KIF26B: variants seen among roughly 807,000 people sequenced by gnomAD.
KIF26B encodes the protein kinesin family member 26B.
KIF26B carries 63 observed loss-of-function variants against 151.2 expected under a neutral mutation model. The ratio of observed to expected loss-of-function variants is 0.42; its 90% CI spans 0.34 to 0.51. The LOEUF (loss-of-function observed/expected upper bound fraction) is 0.51. Ranked by LOEUF, KIF26B falls within the 20% of genes least tolerant of loss-of-function variation. The pLI is 0.07. For synonymous variants in KIF26B, 1,357 were observed against 1,262.1 expected (o/e 1.08, Z -1.59); for missense variants, 2,813 against 2,913.6 (o/e 0.97, Z 0.79).
chr1:245,406,455 A>G (rs1412771171), intron 3 of KIF26B, among the ~76,000 whole-genome samples: 2 of 152,196 alleles, frequency 1.3e-5, no homozygotes, highest in Non-Finnish European at 2.9e-5. Flanking sequence ...TTTCCCAAGC[A>G]TTAGCCAAGA....
chr1:245,318,313 A>G lies in KIF26B; in HGVS notation c.466-48521A>G, dbSNP rs1036987785. The stretch of plus-strand genomic sequence containing the variant: ...AGGCAATACAAGGAATGACTGGCAA[A>G]TACAGGTGTGAATTCCACTTACCCT... On this transcript the variant is annotated intron_variant, in intron 2 of 14. Coordinates refer to ENST00000407071, the MANE Select transcript of KIF26B (RefSeq NM_018012.4). This position sits in a 1 kb window ranked among gnomAD's most constrained non-coding sequence, Gnocchi z 4.0. Among the ~76,000 whole-genome samples, 2 of 152,172 alleles carry G rather than the reference A, an allele frequency of 1.3e-5. No individual in the cohort carries two copies. Among genetic ancestry groups the G allele is most frequent in the Non-Finnish European group, 2.9e-5 (2 of 68,036 alleles).
chr1:245,463,905 A>G (rs1317746863), intron 4 of KIF26B, among the ~76,000 whole-genome samples: 1 of 152,214 alleles, frequency 6.6e-6, no homozygotes, highest in Non-Finnish European at 1.5e-5. Context: ...TTTTTCACCT[A>G]AGGCTTCCCC....
chr1:245,453,500 G>T (rs558826836), intron 4 of KIF26B, among the ~76,000 whole-genome samples: 1 of 152,154 alleles, frequency 6.6e-6, no homozygotes, highest in African/African-American at 2.4e-5. Context: ...CCTTACTATA[G>T]TCCCAGCCCT....
chr1:245,222,360 C>T (rs1573717371), intron 2 of KIF26B, among the ~76,000 whole-genome samples: 1 of 152,108 alleles, frequency 6.6e-6, no homozygotes, highest in Non-Finnish European at 1.5e-5. Context: ...TCGCTTAAAC[C>T]CGGGAGGCGG....
chr1:245,421,458 T>C (rs1658485695), intron 4 of KIF26B, among the ~76,000 whole-genome samples: 1 of 152,132 alleles, frequency 6.6e-6, no homozygotes, highest in South Asian at 2.1e-4. Flanking sequence ...AATGAAGAAC[T>C]TGCAATTCCG....
At position 245,579,658 on chromosome 1, in the gene KIF26B, A is replaced by AAAACAAAC. The variant is rs60952626; in HGVS notation, c.1351-22890_1351-22883dup. 4.2e-4 allele frequency among the ~76,000 whole-genome samples: 63 copies of AAAACAAAC among 148,628 alleles called. 1 individual carries two copies. The highest frequency in any genetic ancestry group is 2.4e-3 in the South Asian group (11 of 4,638). On this transcript the variant is annotated intron_variant, in intron 5 of 14. Transcript: ENST00000407071. ...AACCCCATCTCTACTAAAAATACAAAAAACAAACAAACAAACAAACAAACA... is the reference window on the plus strand; with the variant it reads ...AACCCCATCTCTACTAAAAATACAAAAAACAAACAAACAAACAAACAAACAAACAAACA...
At chr1:245,270,278 CTTCTTT>C (rs1670833497) in intron 2 of KIF26B, among the ~76,000 whole-genome samples, 1 of 60,408 alleles carries the variant, frequency 1.7e-5, no homozygotes. Flanking sequence ...CCTTCCTTTC[CTTCTTT>C]CCTTCCCTTC....
Position 245,709,240 on chromosome 1 carries a change from A to C in KIF26B, c.*6634A>C, listed in dbSNP as rs961421513. 6.6e-6 allele frequency: 1 copy of C among 152,236 alleles called. No individual in the cohort carries two copies. The highest frequency in any genetic ancestry group is 2.4e-5 in the African/African-American group (1 of 41,454). The allele number at this position is 152,236 out of a possible 1,614,324, so 9.4% of individuals were successfully genotyped here. ...TCCCTGGAGAACAGTCCAGAAAAAA[A>C]GAGTTATAGTTCTCACAAACTGGTG... On this transcript the variant is annotated 3_prime_UTR_variant, in exon 15 of 15. Transcript: ENST00000407071.
chr1:245,661,875 C>T (rs2044145308), intron 10 of KIF26B, among the ~76,000 whole-genome samples: 1 of 149,190 alleles, frequency 6.7e-6, no homozygotes, highest in East Asian at 2.0e-4. Context: ...TACATACACA[C>T]ATACCCCCAT....
rs1385430612 is a variant in KIF26B at position 245,688,486 on chromosome 1, G to C, written c.5503G>C (p.Ala1835Pro). The change falls in exon 12 of 15, where the codon GCC (alanine) becomes CCC (proline). Residue 1835 changes from alanine to proline, a missense_variant. Coordinates refer to ENST00000407071, the MANE Select transcript of KIF26B (RefSeq NM_018012.4). ...GCCCGAGGCGGAGGCGCGCGGGGGG[G>C]CCCTGGCCGAGGACGAGCCCGCGGC... ...AGPEAEARGG[A>P]LAEDEPAAAH... 3.5e-6 allele frequency: 5 copies of C among 1,432,922 alleles called. No homozygotes were observed. Among genetic ancestry groups the C allele is most frequent in the South Asian group, 1.5e-5 (1 of 67,456 alleles). 88.8% of individuals were successfully genotyped at this position (1,432,922 alleles called of 1,614,324 possible).
At chr1:245,298,560 G>T (rs1415432152) in intron 2 of KIF26B, among the ~76,000 whole-genome samples, 1 of 152,170 alleles carries the variant, frequency 6.6e-6, no homozygotes, top group Non-Finnish European at 1.5e-5. Context: ...CATGGCGATT[G>T]GTGATGGTTG....
chr1:245,685,354 G>T, intron 11 of KIF26B, 51 bp from the exon 12 acceptor site: 1 of 1,456,508 alleles, frequency 6.9e-7, no homozygotes, highest in South Asian at 1.3e-5. Context: ...CTGGGCTCCC[G>T]GGGAAACTGC....
In KIF26B at chr1:245,192,570, C is replaced by A. The variant is rs143208839; in HGVS notation, c.465+35887C>A. Among the ~76,000 whole-genome samples the A allele has an allele frequency of 9.6e-3, 1,465 of 152,278 alleles. 24 individuals are homozygous for A. Among genetic ancestry groups the A allele is most frequent in the African/African-American group, 0.033 (1,365 of 41,544 alleles). ...AAGTTACATAGTTTTCAAACTCTGTCTCCTGCTAAATGATCATCTATACTG... is the reference window on the plus strand; with the variant it reads ...AAGTTACATAGTTTTCAAACTCTGTATCCTGCTAAATGATCATCTATACTG... On this transcript the variant is annotated intron_variant, in intron 2 of 14. Coordinates refer to ENST00000407071, the MANE Select transcript of KIF26B (RefSeq NM_018012.4).
In KIF26B at chr1:245,284,724, A is replaced by G. The variant is rs115775788; in HGVS notation, c.466-82110A>G. 7.0e-3 allele frequency among the ~76,000 whole-genome samples: 1,067 copies of G among 152,342 alleles called. 12 individuals carry two copies. Among genetic ancestry groups the G allele is most frequent in the African/African-American group, 0.024 (1,015 of 41,570 alleles). On this transcript the variant is annotated intron_variant, in intron 2 of 14. Coordinates refer to ENST00000407071, the MANE Select transcript of KIF26B (RefSeq NM_018012.4). ...TTGCCCTAATGTGGTGTAACAAGTC[A>G]CCACAAAACTTAGTGATTTAAAATA...
intron 3 of KIF26B, among the ~76,000 whole-genome samples, chr1:245,395,811 A>C (rs1049915057): frequency 2.6e-5 from 4 of 152,210 alleles, no homozygotes; most frequent in African/African-American, 9.6e-5. Context: ...AGGTGATAGA[A>C]TAGGCAAAGG....
chr1:245,185,868 A>G (rs1195188632), intron 2 of KIF26B, among the ~76,000 whole-genome samples: 1 of 150,770 alleles, frequency 6.6e-6, no homozygotes, highest in African/African-American at 2.4e-5. Flanking sequence ...TCTTTTTATT[A>G]TTTTATTTTA....
At chr1:245,325,501 G>A (rs1272107607) in intron 2 of KIF26B, among the ~76,000 whole-genome samples, 1 of 152,102 alleles carries the variant, frequency 6.6e-6, no homozygotes, top group Non-Finnish European at 1.5e-5. Context: ...ATCACCTGAG[G>A]TCTGAGTTCG....
At position 245,548,574 on chromosome 1, in the gene KIF26B, T is replaced by C. The variant is rs1661804573; in HGVS notation, c.1350+7624T>C. 2.0e-5 allele frequency among the ~76,000 whole-genome samples: 3 copies of C among 152,176 alleles called. No individual in the cohort carries two copies. The South Asian group carries it at 6.2e-4, about 32-fold the overall frequency. ...TCGAAGACCTTCTTGTCCTGTCCTC[T>C]CATTTTGCATGTAAGGAAACTGAGG... On this transcript the variant is annotated intron_variant, in intron 5 of 14. Transcript: ENST00000407071.
Position 245,702,802 on chromosome 1 carries a change from T to C in KIF26B, c.*196T>C. 1.8e-6 allele frequency: 1 copy of C among 549,064 alleles called. No individual in the cohort carries two copies. The highest frequency in any genetic ancestry group is 3.4e-5 in the Admixed American group (1 of 29,692). The allele number at this position is 549,064 out of a possible 1,614,324, so 34.0% of individuals were successfully genotyped here. ...GGAAAGGTGCAAACGTCAAACACCG[T>C]GGAAGGAGAAAAGGATGGGAAGCCC... On this transcript the variant is annotated 3_prime_UTR_variant, in exon 15 of 15. Transcript: ENST00000407071. This position sits in a 1 kb window ranked among gnomAD's most constrained non-coding sequence, Gnocchi z 4.1.
Sources: allele counts gnomAD v4.1 joint callset (sites outside exome capture counted in the v4.1 genomes callset), GRCh38; gene constraint gnomAD v4.1.1; non-coding constraint Gnocchi (gnomAD v3.1); transcripts MANE v1.5; gene names NCBI Gene and HGNC (gene_info 2026-07-23, HGNC 2026-07-21).